Variants in TCERG1L observed in about 807,000 individuals in gnomAD.
TCERG1L encodes transcription elongation regulator 1 like, also known as transcription elongation regulator 1-like protein.
Under a neutral mutation model 56.3 loss-of-function variants are expected in TCERG1L, and 37 were observed. The ratio of observed to expected loss-of-function variants is 0.66; its 90% CI spans 0.51 to 0.87. The LOEUF (loss-of-function observed/expected upper bound fraction) is 0.87. Among genes scored for constraint, TCERG1L ranks in the 40% least tolerant of loss-of-function variants. TCERG1L has a pLI of 0.00. For missense variants in TCERG1L, 799 were observed against 774.2 expected (o/e 1.03, Z -0.38); for synonymous variants, 324 against 326.3 (o/e 0.99, Z 0.08).
At chr10:131,170,627 T>TA (rs994094743) in intron 4 of TCERG1L, among the ~76,000 whole-genome samples, 21 of 152,092 alleles carry the variant, frequency 1.4e-4, no homozygotes, top group Admixed American at 9.2e-4. Context: ...AAGCCTGTGC[T>TA]AAAAACTCCC....
At chr10:131,097,972 C>T (rs1444209335) in intron 11 of TCERG1L, among the ~76,000 whole-genome samples, 1 of 152,192 alleles carries the variant, frequency 6.6e-6, no homozygotes, top group Non-Finnish European at 1.5e-5. Context: ...TAGACCTCAT[C>T]TCATGAGTGC....
At chr10:131,222,071 C>G (rs796343696) in intron 4 of TCERG1L, among the ~76,000 whole-genome samples, 1 of 152,214 alleles carries the variant, frequency 6.6e-6, no homozygotes, top group Non-Finnish European at 1.5e-5. Flanking sequence ...AGTCTCAAAC[C>G]GGAAAGAGAA....
chr10:131,120,710 G>A (rs560270284), intron 8 of TCERG1L, among the ~76,000 whole-genome samples: 91 of 152,294 alleles, frequency 6.0e-4, no homozygotes, highest in Non-Finnish European at 1.2e-3. Flanking sequence ...CCTCTATGTG[G>A]GCAAATGCAC....
At chr10:131,161,677 C>T (rs1245855534) in intron 6 of TCERG1L, 1 of 152,220 alleles carries the variant, frequency 6.6e-6, no homozygotes, top group Admixed American at 6.5e-5. Flanking sequence ...TCTCCAGAAA[C>T]ACCAACCACG....
At chr10:131,208,583 T>C (rs1589749307) in intron 4 of TCERG1L, among the ~76,000 whole-genome samples, 1 of 152,118 alleles carries the variant, frequency 6.6e-6, no homozygotes, top group African/African-American at 2.4e-5. Context: ...CCACAATCTG[T>C]CCCCTGCCCC....
At chr10:131,290,949 G>A (rs1968519) in intron 3 of TCERG1L, among the ~76,000 whole-genome samples, 114,977 of 151,836 alleles carry the variant, frequency 0.76, 44,125 homozygotes, top group Non-Finnish European at 0.82. Context: ...GGCGTGGCCC[G>A]TTGCATCCCA....
At chr10:131,123,581 G>C (rs1300168035) in intron 8 of TCERG1L, among the ~76,000 whole-genome samples, 1 of 152,152 alleles carries the variant, frequency 6.6e-6, no homozygotes, top group Non-Finnish European at 1.5e-5. Flanking sequence ...CCTCATCCAT[G>C]GCAGGGCTGT....
intron 9 of TCERG1L, among the ~76,000 whole-genome samples, chr10:131,109,432 A>ATGTCTGTGACTGTGGCTG (rs984929130): frequency 1.3e-5 from 2 of 151,822 alleles, no homozygotes; most frequent in Non-Finnish European, 2.9e-5. Flanking sequence ...GACCGTGACC[A>ATGTCTGTGACTGTGGCTG]TGTCTGTGAC....
intron 3 of TCERG1L, among the ~76,000 whole-genome samples, chr10:131,273,613 G>A (rs537977836): frequency 1.4e-4 from 22 of 152,338 alleles, no homozygotes; most frequent in African/African-American, 5.1e-4. Context: ...TGGGCTGACC[G>A]AGGCTCCCTC....
chr10:131,200,339 G>A (rs961039846), intron 4 of TCERG1L, among the ~76,000 whole-genome samples: 12 of 152,200 alleles, frequency 7.9e-5, no homozygotes, highest in African/African-American at 2.7e-4. Flanking sequence ...GTTGTCTGAT[G>A]CAAGTTCCTG....
chr10:131,142,214 T>A (rs902417564), intron 7 of TCERG1L, among the ~76,000 whole-genome samples: 4 of 152,180 alleles, frequency 2.6e-5, no homozygotes, highest in African/African-American at 9.7e-5. Context: ...CTGGGGCAGG[T>A]GGGATCCAGG....
At chr10:131,307,172 A>G (rs1846825372) in intron 3 of TCERG1L, among the ~76,000 whole-genome samples, 1 of 152,246 alleles carries the variant, frequency 6.6e-6, no homozygotes, top group Admixed American at 6.5e-5. Context: ...AAATGTTTAT[A>G]AATGTGTGCA....
chr10:131,243,821 G>C (rs989123125), intron 4 of TCERG1L, among the ~76,000 whole-genome samples: 17 of 152,218 alleles, frequency 1.1e-4, no homozygotes, highest in African/African-American at 3.9e-4. Context: ...TCAGCAATTT[G>C]AGCTGGGCTC....
chr10:131,177,349 A>G (rs539505398), intron 4 of TCERG1L, among the ~76,000 whole-genome samples: 15 of 152,390 alleles, frequency 9.8e-5, no homozygotes, highest in Non-Finnish European at 2.1e-4. Context: ...ATTGCTCACA[A>G]GCTCACTACT....
At chr10:131,093,356 A>G in intron 11 of TCERG1L, 38 bp from the exon 12 acceptor site, 1 of 1,606,458 alleles carries the variant, frequency 6.2e-7, no homozygotes, top group Non-Finnish European at 8.5e-7. Context: ...CCTTCCAGAG[A>G]GCAACTCTGG....
chr10:131,173,948 G>C (rs1272151437), intron 4 of TCERG1L, among the ~76,000 whole-genome samples: 1 of 152,316 alleles, frequency 6.6e-6, no homozygotes, highest in Admixed American at 6.5e-5. Flanking sequence ...GCTCAGGACT[G>C]GGAAGGAGGG....
At chr10:131,189,546 C>CTA (rs2133460921) in intron 4 of TCERG1L, among the ~76,000 whole-genome samples, 1 of 152,198 alleles carries the variant, frequency 6.6e-6, no homozygotes, top group Admixed American at 6.5e-5. Flanking sequence ...TCCATGTAAT[C>CTA]TATATATACC....
rs144513555 is a variant in TCERG1L at position 131,126,893 on chromosome 10, C to A, written c.1259+7486G>T. The stretch of plus-strand genomic sequence containing the variant: ...AGAGCTCTCAAAACTCTGGACGGGG[C>A]CAGACAAGAGCTGAGGGAGACGGTC... On this transcript the variant is annotated intron_variant, in intron 8 of 11. Transcript: ENST00000368642. Among the ~76,000 whole-genome samples the A allele has an allele frequency of 1.4e-3, 210 of 152,310 alleles. 1 individual carries two copies. Among genetic ancestry groups the A allele is most frequent in the Non-Finnish European group, 2.4e-3 (166 of 68,032 alleles).
chr10:131,226,719 A>C (rs1448909858), intron 4 of TCERG1L, among the ~76,000 whole-genome samples: 1 of 152,278 alleles, frequency 6.6e-6, no homozygotes, highest in Non-Finnish European at 1.5e-5. Context: ...ACATGTAATC[A>C]AAAATAATTA....
Sources: gnomAD v4.1 joint callset for allele counts (sites outside exome capture counted in the v4.1 genomes callset) on GRCh38, gnomAD v4.1.1 for gene constraint, MANE v1.5 for transcripts, NCBI Gene and HGNC (gene_info 2026-07-23, HGNC 2026-07-21) for gene names.